PRLR: variants seen among roughly 807,000 people sequenced by gnomAD.
The protein encoded by PRLR is hPRL receptor.
Under a neutral mutation model 40.2 loss-of-function variants are expected in PRLR, and 13 were observed. The ratio of observed to expected loss-of-function variants is 0.32; its 90% CI spans 0.21 to 0.51. The LOEUF (loss-of-function observed/expected upper bound fraction) is 0.51, where lower values mean the gene tolerates loss of function less well. Ranked by LOEUF, PRLR falls within the 20% of genes least tolerant of loss-of-function variation. The probability of loss-of-function intolerance (pLI) is 0.97; values close to 1 mark genes in which losing one functional copy is unlikely to be tolerated. For missense variants in PRLR, 656 were observed against 747.3 expected (o/e 0.88, Z 1.42); for synonymous variants, 269 against 278.7 (o/e 0.97, Z 0.35).
chr5:35,148,181 T>C (rs1329960324), intron 1 of PRLR, among the ~76,000 whole-genome samples: 3 of 152,196 alleles, frequency 2.0e-5, no homozygotes, highest in East Asian at 3.8e-4. Flanking sequence ...ATTGCAGTTA[T>C]TTTTGCCTTA....
In PRLR at chr5:35,062,020, T is replaced by C. The variant is rs551576843; in HGVS notation, c.*3069A>G. On this transcript the variant is annotated 3_prime_UTR_variant, in exon 10 of 10. Transcript: ENST00000618457. ...TTTTTTAAATGCCTCTTTCTACACA[T>C]ATATTTGCACATAATCTTAGAATAT... 3.3e-5 allele frequency: 5 copies of C among 152,332 alleles called. No homozygotes were observed. Among genetic ancestry groups the C allele is most frequent in the African/African-American group, 1.2e-4 (5 of 41,576 alleles). The allele number at this position is 152,332 out of a possible 1,614,324, so 9.4% of individuals were successfully genotyped here. A position where few individuals can be genotyped will look rare whatever the true frequency, so the allele number is the denominator to read the frequency against.
chr5:35,110,586 C>G (rs1772596796), intron 2 of PRLR, among the ~76,000 whole-genome samples: 1 of 152,158 alleles, frequency 6.6e-6, no homozygotes, highest in South Asian at 2.1e-4. Context: ...CCCAAGCAAT[C>G]CTGCAATCAG....
chr5:35,206,851 A>T (rs1338932408), intron 1 of PRLR, among the ~76,000 whole-genome samples: 1 of 152,156 alleles, frequency 6.6e-6, no homozygotes, highest in African/African-American at 2.4e-5. Context: ...AAGAAAGAAG[A>T]TCAAATTAAT....
At chr5:35,082,994 A>C (rs1770612619) in intron 5 of PRLR, among the ~76,000 whole-genome samples, 1 of 152,146 alleles carries the variant, frequency 6.6e-6, no homozygotes, top group Non-Finnish European at 1.5e-5. Flanking sequence ...TTATTAAAAC[A>C]GTTGCTAATT....
chr5:35,104,475 G>A (rs1772096358), intron 2 of PRLR, among the ~76,000 whole-genome samples: 3 of 152,048 alleles, frequency 2.0e-5, no homozygotes, highest in South Asian at 2.1e-4. Context: ...TACTAGCCAA[G>A]GGAAGCCGTG....
intron 1 of PRLR, among the ~76,000 whole-genome samples, chr5:35,215,214 A>C (rs1776256849): frequency 6.6e-6 from 1 of 152,194 alleles, no homozygotes; most frequent in Non-Finnish European, 1.5e-5. Flanking sequence ...TAGAAGGTAA[A>C]TTCTTTTATA....
intron 1 of PRLR, among the ~76,000 whole-genome samples, chr5:35,124,075 GCT>G (rs1773378812): frequency 1.3e-5 from 2 of 152,272 alleles, no homozygotes; most frequent in Non-Finnish European, 2.9e-5. Context: ...GGAGCTTTGT[GCT>G]CTGTCTCTGA....
At chr5:35,112,969 T>C (rs920383320) in intron 2 of PRLR, among the ~76,000 whole-genome samples, 2 of 152,134 alleles carry the variant, frequency 1.3e-5, no homozygotes, top group Non-Finnish European at 2.9e-5. Context: ...CAGAGCAACT[T>C]GTGGGGAAGA....
At chr5:35,162,383 A>G (rs889057636) in intron 1 of PRLR, among the ~76,000 whole-genome samples, 1 of 152,200 alleles carries the variant, frequency 6.6e-6, no homozygotes, top group African/African-American at 2.4e-5. Context: ...TCTTTCTACC[A>G]AAAGGAGCTT....
chr5:35,115,347 G>A (rs1272858916), intron 2 of PRLR, among the ~76,000 whole-genome samples: 1 of 152,104 alleles, frequency 6.6e-6, no homozygotes, highest in Non-Finnish European at 1.5e-5. Flanking sequence ...ACAAATTGCT[G>A]TCTATAAATT....
At chr5:35,209,227 T>G (rs1472961077) in intron 1 of PRLR, among the ~76,000 whole-genome samples, 1 of 152,098 alleles carries the variant, frequency 6.6e-6, no homozygotes. Context: ...TTATAAAAAT[T>G]TTAAGCCTAC....
chr5:35,114,991 G>A (rs1010799810), intron 2 of PRLR, among the ~76,000 whole-genome samples: 14 of 152,278 alleles, frequency 9.2e-5, no homozygotes, highest in African/African-American at 3.1e-4. Flanking sequence ...CTCTCTGCTG[G>A]AAGTACCAGC....
chr5:35,128,383 C>A (rs184365803), intron 1 of PRLR, among the ~76,000 whole-genome samples: 4 of 151,346 alleles, frequency 2.6e-5, no homozygotes, highest in African/African-American at 9.7e-5. Context: ...GACCTATTCA[C>A]ATCCTCCCAT....
Position 35,076,538 on chromosome 5 carries a change from G to A in PRLR, c.374-3794C>T, listed in dbSNP as rs190976295. Among the ~76,000 whole-genome samples the A allele has an allele frequency of 1.1e-3, 168 of 152,266 alleles. 1 individual carries two copies. The highest frequency in any genetic ancestry group is 3.9e-3 in the African/African-American group (164 of 41,552). ...TGAACAAGGCCTCCAAGATATACGGGACTATGTGAAAAGACCAAATCGACA... is the reference window on the plus strand; with the variant it reads ...TGAACAAGGCCTCCAAGATATACGGAACTATGTGAAAAGACCAAATCGACA... On this transcript the variant is annotated intron_variant, in intron 5 of 9. Transcript: ENST00000618457.
intron 1 of PRLR, among the ~76,000 whole-genome samples, chr5:35,146,083 C>A (rs138457762): frequency 6.6e-6 from 1 of 152,174 alleles, no homozygotes; most frequent in Non-Finnish European, 1.5e-5. Flanking sequence ...CTCAAATCTA[C>A]GATGATGGCA....
chr5:35,209,105 A>C (rs914671277), intron 1 of PRLR, among the ~76,000 whole-genome samples: 1 of 152,062 alleles, frequency 6.6e-6, no homozygotes, highest in Non-Finnish European at 1.5e-5. Flanking sequence ...GATTCTTTTT[A>C]AAAATGAGAG....
intron 1 of PRLR, among the ~76,000 whole-genome samples, chr5:35,156,127 T>TAA (rs765998296): frequency 0.034 from 3,465 of 103,402 alleles, 261 homozygotes; most frequent in African/African-American, 0.12. Flanking sequence ...TTGCTCAAGA[T>TAA]AAAAAAAAAA....
chr5:35,141,455 A>C (rs1260912759), intron 1 of PRLR, among the ~76,000 whole-genome samples: 1 of 152,176 alleles, frequency 6.6e-6, no homozygotes, highest in Non-Finnish European at 1.5e-5. Context: ...AATTTTGTTC[A>C]ATATCCCTAT....
intron 1 of PRLR, chr5:35,195,443 T>C (rs1775710733): frequency 1.3e-5 from 2 of 152,312 alleles, no homozygotes; most frequent in Admixed American, 1.3e-4. Flanking sequence ...CCACCACTGA[T>C]GCCCCAAACA....
Sources: allele counts gnomAD v4.1 joint callset (sites outside exome capture counted in the v4.1 genomes callset), GRCh38; gene constraint gnomAD v4.1.1; transcripts MANE v1.5; gene names NCBI Gene and HGNC (gene_info 2026-07-23, HGNC 2026-07-21).